Variants in MAPK8 observed in about 807,000 individuals in gnomAD.
MAPK8 encodes the protein mitogen-activated protein kinase 8, also known as JUN N-terminal kinase.
Under a neutral mutation model 52.9 loss-of-function variants are expected in MAPK8, and 13 were observed. That is an observed-to-expected ratio of 0.25 (90% CI 0.16 to 0.39). The LOEUF is 0.39. MAPK8 is among the 10% of genes least tolerant of loss of function. The pLI is 1.00. For missense variants in MAPK8, 300 were observed against 519.2 expected, an observed-to-expected ratio of 0.58 and a Z score of 4.10; for synonymous variants, 191 against 169.8, an observed-to-expected ratio of 1.12 and a Z score of -0.97.
In MAPK8 at chr10:48,324,267, C is replaced by G. The variant is rs1843260037; in HGVS notation, c.-50+17446C>G. Among the ~76,000 whole-genome samples the G allele has an allele frequency of 2.0e-5, 3 of 152,318 alleles. No individual in the cohort carries two copies. In the South Asian group the frequency reaches 6.2e-4, roughly 32 times the overall value. On this transcript the variant is annotated intron_variant, in intron 1 of 11. Transcript: ENST00000374189. ...GTGCTGCAACCAGGTACTGTGATTTCTCACCTAGTTTCCATAGCTCTTGTG... is the reference window on the plus strand; with the variant it reads ...GTGCTGCAACCAGGTACTGTGATTTGTCACCTAGTTTCCATAGCTCTTGTG...
At chr10:48,369,564 A>G (rs913257207) in intron 1 of MAPK8, among the ~76,000 whole-genome samples, 2 of 152,156 alleles carry the variant, frequency 1.3e-5, no homozygotes, top group Non-Finnish European at 2.9e-5. Flanking sequence ...GTAGATACAT[A>G]TTTGAAATTC....
At chr10:48,414,107 A>G (rs1003161832) in intron 5 of MAPK8, among the ~76,000 whole-genome samples, 3 of 151,630 alleles carry the variant, frequency 2.0e-5, no homozygotes, top group Non-Finnish European at 4.4e-5. Flanking sequence ...GCAAACACTA[A>G]TCTACTTTCT....
At chr10:48,328,877 T>C (rs962806447) in intron 1 of MAPK8, among the ~76,000 whole-genome samples, 1 of 152,228 alleles carries the variant, frequency 6.6e-6, no homozygotes, top group African/African-American at 2.4e-5. Context: ...ACCACACCTT[T>C]TTAAGAAGTT....
intron 6 of MAPK8, among the ~76,000 whole-genome samples, chr10:48,422,272 T>C (rs2043411601): frequency 6.6e-6 from 1 of 152,162 alleles, no homozygotes; most frequent in African/African-American, 2.4e-5. Context: ...CCTTAGGTGA[T>C]CCACCTGCCT....
chr10:48,341,813 CCTGAGAAGCTGGTAG>C (rs1336133645), intron 1 of MAPK8, among the ~76,000 whole-genome samples: 8 of 152,098 alleles, frequency 5.3e-5, no homozygotes, highest in African/African-American at 1.9e-4. Context: ...GGAAAGCTTC[CCTGAGAAGCTGGTAG>C]CTGAGCTGAA....
chr10:48,395,826 G>A (rs1190676425), intron 1 of MAPK8, among the ~76,000 whole-genome samples: 2 of 152,026 alleles, frequency 1.3e-5, no homozygotes, highest in African/African-American at 2.4e-5. Context: ...AAGTAGACCC[G>A]TACAAGTAGA....
intron 1 of MAPK8, among the ~76,000 whole-genome samples, chr10:48,356,476 A>T (rs555310293): frequency 6.6e-6 from 1 of 152,350 alleles, no homozygotes; most frequent in East Asian, 1.9e-4. Flanking sequence ...AAATCCAAAT[A>T]TATCATTAAC....
At chr10:48,307,828 C>T (rs985180744) in intron 1 of MAPK8, among the ~76,000 whole-genome samples, 2 of 152,144 alleles carry the variant, frequency 1.3e-5, no homozygotes, top group African/African-American at 4.8e-5. Flanking sequence ...ATTCATTCAG[C>T]AGCTGTTTAG....
intron 5 of MAPK8, among the ~76,000 whole-genome samples, chr10:48,417,864 G>T (rs576141325): frequency 3.9e-5 from 6 of 152,118 alleles, no homozygotes; most frequent in Admixed American, 2.6e-4. Flanking sequence ...TTAAAAGGTG[G>T]CTACTTCTTT....
In MAPK8 at chr10:48,435,422, G is replaced by GT. The variant is rs895943529; in HGVS notation, c.*401dup. ...TCATGAATTATTTAAGATTTTTATAGTTTTTTTTAATTAGAATTTATTTCA... is the reference window on the plus strand; with the variant it reads ...TCATGAATTATTTAAGATTTTTATAGTTTTTTTTTAATTAGAATTTATTTCA... On this transcript the variant is annotated 3_prime_UTR_variant, in exon 12 of 12. Coordinates refer to ENST00000374189, the MANE Select transcript of MAPK8 (RefSeq NM_001323329.2). 1.7e-4 allele frequency: 26 copies of GT among 157,440 alleles called. No individual in the cohort carries two copies. The highest frequency in any genetic ancestry group is 1.2e-3 in the South Asian group (6 of 4,882). 9.8% of individuals were successfully genotyped at this position (157,440 alleles called of 1,614,324 possible).
At chr10:48,380,028 G>A (rs1161905379) in intron 1 of MAPK8, among the ~76,000 whole-genome samples, 1 of 151,002 alleles carries the variant, frequency 6.6e-6, no homozygotes, top group Non-Finnish European at 1.5e-5. Context: ...CGGATCATGA[G>A]GTCAGTAGTT....
chr10:48,426,319 A>T lies in MAPK8; in HGVS notation c.872-61A>T, dbSNP rs143990051. 5 of 1,445,368 alleles carry T rather than the reference A, an allele frequency of 3.5e-6. No individual in the cohort carries two copies. In the East Asian group the frequency reaches 1.2e-4, roughly 36 times the overall value. 89.5% of individuals were successfully genotyped at this position (1,445,368 alleles called of 1,614,324 possible). A position where few individuals can be genotyped will look rare whatever the true frequency, so the allele number is the denominator to read the frequency against. ...TTTTAAAAAATCTCAAATTGCTGAA[A>T]GTTATTAATAATTTGAGAATCTTTA... On this transcript the variant is annotated intron_variant, in intron 8 of 11. Coordinates refer to ENST00000374189, the MANE Select transcript of MAPK8 (RefSeq NM_001323329.2).
chr10:48,373,964 C>T (rs565800914), intron 1 of MAPK8, among the ~76,000 whole-genome samples: 4 of 152,174 alleles, frequency 2.6e-5, no homozygotes, highest in African/African-American at 7.2e-5. Context: ...AGCACCACAT[C>T]GCACTTATAC....
chr10:48,428,867 C>T (rs998394078), intron 10 of MAPK8, among the ~76,000 whole-genome samples: 3 of 151,744 alleles, frequency 2.0e-5, no homozygotes, highest in Non-Finnish European at 4.4e-5. Flanking sequence ...GTCCCCCAGG[C>T]TAGAGTGCAG....
At chr10:48,374,999 G>A (rs931479538) in intron 1 of MAPK8, among the ~76,000 whole-genome samples, 8 of 152,102 alleles carry the variant, frequency 5.3e-5, no homozygotes, top group African/African-American at 1.7e-4. Context: ...ATAAAATACC[G>A]GCAAACCAAA....
In MAPK8 at chr10:48,319,213, A is replaced by G. The variant is rs145596427; in HGVS notation, c.-50+12392A>G. 1.7e-4 allele frequency among the ~76,000 whole-genome samples: 26 copies of G among 152,328 alleles called. No individual in the cohort carries two copies. In the East Asian group the frequency reaches 4.8e-3, roughly 28 times the overall value. ...AATACCATAGTGTGTCATGTGTAAT[A>G]AGGGACTAAGAATTTTTTAACGGTT... On this transcript the variant is annotated intron_variant, in intron 1 of 11. Transcript: ENST00000374189.
chr10:48,372,584 G>A (rs1377865403), intron 1 of MAPK8, among the ~76,000 whole-genome samples: 1 of 151,566 alleles, frequency 6.6e-6, no homozygotes, highest in African/African-American at 2.4e-5. Flanking sequence ...GCATACACAA[G>A]TATCAATAGC....
At chr10:48,374,280 A>C (rs2040514773) in intron 1 of MAPK8, among the ~76,000 whole-genome samples, 1 of 152,206 alleles carries the variant, frequency 6.6e-6, no homozygotes. Flanking sequence ...AAATGCCCAT[A>C]AGAGAAAGCA....
At chr10:48,428,949 G>A (rs539717367) in intron 10 of MAPK8, among the ~76,000 whole-genome samples, 14 of 150,970 alleles carry the variant, frequency 9.3e-5, no homozygotes, top group Admixed American at 2.0e-4. Context: ...AGCCTCCCCC[G>A]TAGCTGGGAT....
Sources: allele counts gnomAD v4.1 joint callset (sites outside exome capture counted in the v4.1 genomes callset), GRCh38; gene constraint gnomAD v4.1.1; transcripts MANE v1.5; gene names NCBI Gene and HGNC (gene_info 2026-07-23, HGNC 2026-07-21).